The following GDAP2 variants were observed in gnomAD, a reference collection of about 807,000 sequenced individuals.
GDAP2 encodes ganglioside-induced differentiation-associated protein 2.
A neutral mutation model predicts 67.0 loss-of-function variants in GDAP2; 51 were observed. The observed-to-expected ratio is 0.76, with a 90% CI of 0.61 to 0.96. GDAP2 has a LOEUF of 0.96. Ranked by LOEUF, GDAP2 falls within the 40% of genes least tolerant of loss-of-function variation. GDAP2 has a pLI of 0.00. For missense variants in GDAP2, 547 were observed against 588.3 expected, an observed-to-expected ratio of 0.93 and a Z score of 0.73; for synonymous variants, 203 against 207.3, an observed-to-expected ratio of 0.98 and a Z score of 0.18.
intron 12 of GDAP2, among the ~76,000 whole-genome samples, chr1:117,881,140 T>C (rs1355825063): frequency 6.6e-6 from 1 of 152,146 alleles, no homozygotes; most frequent in Non-Finnish European, 1.5e-5. Flanking sequence ...TAACAGGTCA[T>C]AGGTTAATTT....
At chr1:117,915,744 A>C (rs1466421151) in intron 3 of GDAP2, among the ~76,000 whole-genome samples, 1 of 152,182 alleles carries the variant, frequency 6.6e-6, no homozygotes, top group Non-Finnish European at 1.5e-5. Flanking sequence ...TGAATATAAG[A>C]CTGATTTTTT....
At chr1:117,908,598 C>A (rs80188658) in intron 5 of GDAP2, among the ~76,000 whole-genome samples, 1 of 152,038 alleles carries the variant, frequency 6.6e-6, no homozygotes, top group Non-Finnish European at 1.5e-5. Context: ...GAGGGCAAGA[C>A]GATTACTTGA....
Position 117,864,008 on chromosome 1 carries a change from A to T in GDAP2, c.*6561T>A, listed in dbSNP as rs1465823504. The T allele has an allele frequency of 6.6e-6, 1 of 152,238 alleles. No homozygotes were observed. Among genetic ancestry groups the T allele is most frequent in the East Asian group, 1.9e-4 (1 of 5,198 alleles). The allele number at this position is 152,238 out of a possible 1,614,324, so 9.4% of individuals were successfully genotyped here. A position where few individuals can be genotyped will look rare whatever the true frequency, so the allele number is the denominator to read the frequency against. On this transcript the variant is annotated 3_prime_UTR_variant, in exon 14 of 14. Coordinates refer to ENST00000369443, the MANE Select transcript of GDAP2 (RefSeq NM_017686.4). ...AGTTGAGAAACAGGCCCAAGGTCTG[A>T]GTGTGTCAGAAGCCAAAGCGCCAAT...
Position 117,896,982 on chromosome 1 carries a change from T to C in GDAP2, c.804A>G (p.Gln268=). ...CTCCCAAGCCTTCATCCTCCTCTTC[T>C]TGGTTATCTGTAACAAAAATGCAAC... The part of the protein sequence containing the change: ...SEKPGAPEDN[Q]EEEDEGLGVD... The change falls in exon 8 of 14, where the codon CAA becomes CAG. Residue 268 remains glutamine (Q), a synonymous_variant. Transcript: ENST00000369443. 6.2e-7 allele frequency: 1 copy of C among 1,600,416 alleles called. No individual in the cohort carries two copies. Among genetic ancestry groups the C allele is most frequent in the Non-Finnish European group, 8.5e-7 (1 of 1,173,074 alleles).
intron 13 of GDAP2, among the ~76,000 whole-genome samples, chr1:117,875,128 G>GTGCT (rs1443724256): frequency 6.6e-6 from 1 of 152,236 alleles, no homozygotes. Context: ...GAATCTAGGG[G>GTGCT]TGCTGTGGAG....
chr1:117,926,251 A>T (rs1433236458), intron 1 of GDAP2, among the ~76,000 whole-genome samples: 2 of 152,214 alleles, frequency 1.3e-5, no homozygotes, highest in Non-Finnish European at 2.9e-5. Context: ...CCAAATGTCA[A>T]ATCCAAGAAT....
At position 117,920,349 on chromosome 1, in the gene GDAP2, G is replaced by T; in HGVS notation, c.9C>A (p.Pro3=). 1 of 1,591,132 alleles carries T rather than the reference G, an allele frequency of 6.3e-7. No homozygotes were observed. Among genetic ancestry groups the T allele is most frequent in the African/African-American group, 1.4e-5 (1 of 74,028 alleles). The change falls in exon 2 of 14, where the codon CCC becomes CCA. Residue 3 remains proline, a synonymous_variant. Coordinates refer to ENST00000369443, the MANE Select transcript of GDAP2 (RefSeq NM_017686.4). ...CCACAAACTGGGAAGGTGCACCTAA[G>T]GGATCCATGGAATGGGAACTTTGAT... MD[P]LGAPSQFVDV...
intron 1 of GDAP2, among the ~76,000 whole-genome samples, chr1:117,921,779 A>T (rs2101168727): frequency 6.6e-6 from 1 of 152,330 alleles, no homozygotes; most frequent in African/African-American, 2.4e-5. Context: ...GCTACAATGA[A>T]ACTGAGATGG....
rs759665327 is a variant in GDAP2, at chr1:117,883,580, C to A, written c.1155G>T (p.Glu385Asp). The A allele has an allele frequency of 8.8e-6, 14 of 1,599,696 alleles. No individual in the cohort carries two copies. The South Asian group carries it at 1.2e-4, about 14-fold the overall frequency. ...IHVMDHIAVKEYVLVYFHTLT... is the reference protein window; with the variant it reads ...IHVMDHIAVKDYVLVYFHTLT... ...GGGTGTGAAAATACACTAATACATA[C>A]TCCTTCACAGCAATGTGATCCATTA... Residue 385 changes from glutamate to aspartate, a missense_variant, in exon 11 of 14, where the codon GAG becomes GAT. Glu to Asp is a conservative substitution (Grantham distance 45, BLOSUM62 2). Coordinates refer to ENST00000369443, the MANE Select transcript of GDAP2 (RefSeq NM_017686.4).
chr1:117,899,495 C>T (rs1368004232), intron 6 of GDAP2, among the ~76,000 whole-genome samples: 3 of 152,140 alleles, frequency 2.0e-5, no homozygotes, highest in African/African-American at 2.4e-5. Flanking sequence ...TGTCCCCATC[C>T]GTACCTTCAC....
chr1:117,920,031 T>C, intron 2 of GDAP2, 151 bp downstream of exon 2: 1 of 495,110 alleles, frequency 2.0e-6, no homozygotes, highest in Non-Finnish European at 3.6e-6. Context: ...ACTTTAAATA[T>C]GTAGCTTATT....
chr1:117,908,158 C>T (rs1557805740), intron 5 of GDAP2, among the ~76,000 whole-genome samples: 1 of 151,952 alleles, frequency 6.6e-6, no homozygotes, highest in Non-Finnish European at 1.5e-5. Flanking sequence ...CCATCTCCAC[C>T]CTTCTTTATG....
rs1648061525 is a variant in GDAP2 at position 117,866,385 on chromosome 1, C to T, written c.*4184G>A. On this transcript the variant is annotated 3_prime_UTR_variant, in exon 14 of 14. Transcript: ENST00000369443. ...TGAGAAATAAATGTGTTTTGTTACGCCACCCAGTTTACGGTATTCACCCAA... is the reference window on the plus strand; with the variant it reads ...TGAGAAATAAATGTGTTTTGTTACGTCACCCAGTTTACGGTATTCACCCAA... The T allele has an allele frequency of 1.3e-5, 2 of 152,132 alleles. No homozygotes were observed. Among genetic ancestry groups the T allele is most frequent in the African/African-American group, 4.8e-5 (2 of 41,396 alleles). 9.4% of individuals were successfully genotyped at this position (152,132 alleles called of 1,614,324 possible). A position where few individuals can be genotyped will look rare whatever the true frequency, so the allele number is the denominator to read the frequency against.
chr1:117,877,893 G>T, intron 13 of GDAP2, 116 bp downstream of exon 13: 1 of 1,351,966 alleles, frequency 7.4e-7, no homozygotes, highest in South Asian at 2.3e-5. Flanking sequence ...AGTTTATTAA[G>T]ACTCACTAAT....
chr1:117,897,037 A>T lies in GDAP2; in HGVS notation c.797-48T>A, dbSNP rs144820361. The T allele has an allele frequency of 3.6e-3, 4,764 of 1,334,698 alleles. 8 individuals carry two copies. The highest frequency in any genetic ancestry group is 4.5e-3 in the Non-Finnish European group (4,341 of 963,022). 82.7% of individuals were successfully genotyped at this position (1,334,698 alleles called of 1,614,324 possible). A position where few individuals can be genotyped will look rare whatever the true frequency, so the allele number is the denominator to read the frequency against. ...AATAGAGAGCTTATGCTAAAACTAG[A>T]TAGTAAACATTGTGAATGCTGCAGT... On this transcript the variant is annotated intron_variant, in intron 7 of 13. Transcript: ENST00000369443.
rs1332265349 is a variant in GDAP2, at chr1:117,920,388, A to G, written c.-31T>C. On this transcript the variant is annotated 5_prime_UTR_variant, in exon 2 of 14. Transcript: ENST00000369443. ...GGGAACTTTGATTTGTCTTTTCCCAAAATCCTCAGCAATTCAATATTCACT... is the reference window on the plus strand; with the variant it reads ...GGGAACTTTGATTTGTCTTTTCCCAGAATCCTCAGCAATTCAATATTCACT... 6.8e-7 allele frequency: 1 copy of G among 1,479,806 alleles called. No homozygotes were observed. Among genetic ancestry groups the G allele is most frequent in the Non-Finnish European group, 9.3e-7 (1 of 1,076,280 alleles). The allele number at this position is 1,479,806 out of a possible 1,614,324, so 91.7% of individuals were successfully genotyped here.
At position 117,864,074 on chromosome 1, in the gene GDAP2, A is replaced by G. The variant is rs1557789263; in HGVS notation, c.*6495T>C. On this transcript the variant is annotated 3_prime_UTR_variant, in exon 14 of 14. Coordinates refer to ENST00000369443, the MANE Select transcript of GDAP2 (RefSeq NM_017686.4). ...ATTGTTGCTTCTTAAACTGGGGTCC[A>G]TGCAAAATCCTTGTGGAGTATATAT... is the stretch of plus-strand genomic sequence containing the variant. The G allele has an allele frequency of 6.6e-6, 1 of 152,250 alleles. No individual in the cohort carries two copies. The highest frequency in any genetic ancestry group is 1.5e-5 in the Non-Finnish European group (1 of 68,042). The allele number at this position is 152,250 out of a possible 1,614,324, so 9.4% of individuals were successfully genotyped here.
chr1:117,864,414 G>A lies in GDAP2; in HGVS notation c.*6155C>T, dbSNP rs1189106961. On this transcript the variant is annotated 3_prime_UTR_variant, in exon 14 of 14. Transcript: ENST00000369443. ...CAAATTAAAGTAATAGTCTGAATAG[G>A]AGAAAACAGGGTGAATTGGGTCATC... 1 of 152,150 alleles carries A rather than the reference G, an allele frequency of 6.6e-6. No individual in the cohort carries two copies. Among genetic ancestry groups the A allele is most frequent in the African/African-American group, 2.4e-5 (1 of 41,432 alleles). The allele number at this position is 152,150 out of a possible 1,614,324, so 9.4% of individuals were successfully genotyped here.
intron 12 of GDAP2, 102 bp downstream of exon 12, chr1:117,881,721 C>A (rs569904762): frequency 1.4e-6 from 1 of 738,030 alleles, no homozygotes; most frequent in South Asian, 1.5e-5. Context: ...TTAGCAGTCA[C>A]AATGGTGACA....
Sources: gnomAD v4.1 joint callset for allele counts (sites outside exome capture counted in the v4.1 genomes callset) on GRCh38, gnomAD v4.1.1 for gene constraint, MANE v1.5 for transcripts, NCBI Gene and HGNC (gene_info 2026-07-23, HGNC 2026-07-21) for gene names.